SDCCAG8: variants seen among roughly 807,000 people sequenced by gnomAD.
SDCCAG8 encodes the protein SHH signaling and ciliogenesis regulator SDCCAG8.
SDCCAG8 carries 74 observed loss-of-function variants against 101.8 expected under a neutral mutation model. That is an observed-to-expected ratio of 0.73 (90% confidence interval 0.60 to 0.88). The LOEUF is 0.88. SDCCAG8 is among the 40% of genes least tolerant of loss of function. The pLI is 0.00. For missense variants in SDCCAG8, 787 were observed against 822.6 expected (o/e 0.96, Z 0.53); for synonymous variants, 281 against 292.9 (o/e 0.96, Z 0.41).
intron 16 of SDCCAG8, among the ~76,000 whole-genome samples, chr1:243,428,770 A>G (rs888754746): frequency 6.6e-6 from 1 of 152,246 alleles, no homozygotes; most frequent in Non-Finnish European, 1.5e-5. Flanking sequence ...GTGAAGGTGC[A>G]GTATTAGATC....
intron 8 of SDCCAG8, among the ~76,000 whole-genome samples, chr1:243,315,811 G>T (rs1270863486): frequency 1.3e-5 from 2 of 152,122 alleles, no homozygotes; most frequent in African/African-American, 4.8e-5. Context: ...TATTTCAAAT[G>T]AATTTGAAAC....
At chr1:243,475,813 G>C (rs192825587) in intron 16 of SDCCAG8, 1 of 329,912 alleles carries the variant, frequency 3.0e-6, no homozygotes, top group African/African-American at 2.2e-5. Context: ...TGCTACTTTT[G>C]AAAAATAGAG....
chr1:243,411,038 T>C (rs989750963), intron 13 of SDCCAG8, among the ~76,000 whole-genome samples: 4 of 152,242 alleles, frequency 2.6e-5, no homozygotes, highest in Non-Finnish European at 5.9e-5. Context: ...TTACAGGTGA[T>C]GTGAATAACT....
At chr1:243,495,046 A>G (rs952895322) in intron 17 of SDCCAG8, among the ~76,000 whole-genome samples, 5 of 152,250 alleles carry the variant, frequency 3.3e-5, no homozygotes, top group Admixed American at 2.6e-4. Context: ...TGGTTCATAT[A>G]AAACACAGAC....
chr1:243,420,645 C>T (rs1330615971), intron 15 of SDCCAG8, among the ~76,000 whole-genome samples: 1 of 152,190 alleles, frequency 6.6e-6, no homozygotes, highest in Non-Finnish European at 1.5e-5. Flanking sequence ...TAAATTGTTA[C>T]TTACTATTTT....
intron 15 of SDCCAG8, among the ~76,000 whole-genome samples, chr1:243,424,341 A>G (rs1351175859): frequency 1.3e-5 from 2 of 152,000 alleles, no homozygotes; most frequent in Non-Finnish European, 2.9e-5. Context: ...TTGTTTTATT[A>G]TGATTTTTTT....
intron 12 of SDCCAG8, among the ~76,000 whole-genome samples, chr1:243,355,252 A>T (rs557309871): frequency 8.5e-5 from 13 of 152,242 alleles, no homozygotes; most frequent in African/African-American, 2.9e-4. Context: ...GGAGTTTCCT[A>T]TAGGAATGGA....
intron 1 of SDCCAG8, among the ~76,000 whole-genome samples, chr1:243,259,161 G>A (rs1306904455): frequency 6.6e-6 from 1 of 152,126 alleles, no homozygotes; most frequent in Non-Finnish European, 1.5e-5. Context: ...AGCACTTTGG[G>A]AGGCTGGGGC....
chr1:243,256,469 TCTTAA>T (rs1558188039), intron 1 of SDCCAG8, among the ~76,000 whole-genome samples: 1 of 152,362 alleles, frequency 6.6e-6, no homozygotes, highest in East Asian at 1.9e-4. Flanking sequence ...AACTCCTTGA[TCTTAA>T]CTTGGCATCT....
At chr1:243,332,505 G>C (rs1261348760) in intron 10 of SDCCAG8, among the ~76,000 whole-genome samples, 1 of 151,912 alleles carries the variant, frequency 6.6e-6, no homozygotes, top group East Asian at 1.9e-4. Flanking sequence ...TCATAATCCA[G>C]CTCTGGAGGT....
chr1:243,438,473 T>C (rs1013040126), intron 16 of SDCCAG8, among the ~76,000 whole-genome samples: 2 of 152,154 alleles, frequency 1.3e-5, no homozygotes, highest in African/African-American at 4.8e-5. Flanking sequence ...AAATATGATT[T>C]TGAAGATTAT....
Position 243,458,063 on chromosome 1 carries a change from G to A in SDCCAG8, c.1986-30951G>A, listed in dbSNP as rs576598431. On this transcript the variant is annotated intron_variant, in intron 16 of 17. Coordinates refer to ENST00000366541, the MANE Select transcript of SDCCAG8 (RefSeq NM_006642.5). The surrounding 1 kb of genome is among the most constrained non-coding windows in gnomAD (Gnocchi z 4.5). Reference sequence around the variant, plus strand: ...CCTTCAGGACCCATCCCAAAATGACGAAGACACAAGATACAGTTCTGTCCT... The same window carrying A: ...CCTTCAGGACCCATCCCAAAATGACAAAGACACAAGATACAGTTCTGTCCT... Among the ~76,000 whole-genome samples the A allele has an allele frequency of 7.2e-5, 11 of 152,190 alleles. No individual in the cohort carries two copies. The highest frequency in any genetic ancestry group is 5.2e-4 in the Admixed American group (8 of 15,286).
intron 12 of SDCCAG8, among the ~76,000 whole-genome samples, chr1:243,346,912 G>T (rs570265118): frequency 6.6e-6 from 1 of 152,108 alleles, no homozygotes; most frequent in South Asian, 2.1e-4. Context: ...ATGTATGAGG[G>T]TATAGGGAAT....
intron 4 of SDCCAG8, among the ~76,000 whole-genome samples, chr1:243,280,744 T>C (rs2068960504): frequency 6.6e-6 from 1 of 152,240 alleles, no homozygotes; most frequent in Admixed American, 6.5e-5. Context: ...GCTATCGTTC[T>C]GTTATTGATT....
intron 16 of SDCCAG8, among the ~76,000 whole-genome samples, chr1:243,483,918 T>A (rs1664276992): frequency 6.6e-6 from 1 of 152,176 alleles, no homozygotes; most frequent in Non-Finnish European, 1.5e-5. Context: ...GCTGCATTTT[T>A]AACAAACTCC....
chr1:243,289,006 CAAA>C (rs1169573983), intron 5 of SDCCAG8, among the ~76,000 whole-genome samples: 5 of 83,684 alleles, frequency 6.0e-5, no homozygotes, highest in Admixed American at 1.3e-4. Flanking sequence ...GACTCCATCT[CAAA>C]AAAAAAAAAA....
chr1:243,390,361 C>T (rs1380991163), intron 13 of SDCCAG8, among the ~76,000 whole-genome samples: 1 of 152,146 alleles, frequency 6.6e-6, no homozygotes, highest in Non-Finnish European at 1.5e-5. Context: ...TTTCCTTCCC[C>T]CACCCAGTAT....
intron 12 of SDCCAG8, among the ~76,000 whole-genome samples, chr1:243,378,202 A>G (rs1266806193): frequency 6.6e-6 from 1 of 151,618 alleles, no homozygotes; most frequent in African/African-American, 2.4e-5. Context: ...TATTTTTTCC[A>G]AGTAATATTG....
At chr1:243,266,269 CCTGT>C (rs1283318910) in intron 1 of SDCCAG8, among the ~76,000 whole-genome samples, 2 of 151,892 alleles carry the variant, frequency 1.3e-5, no homozygotes, top group African/African-American at 2.4e-5. Flanking sequence ...ACATATTCTT[CCTGT>C]CTGAGATTTT....
Sources: gnomAD v4.1 joint callset for allele counts (sites outside exome capture counted in the v4.1 genomes callset) on GRCh38, gnomAD v4.1.1 for gene constraint, Gnocchi (gnomAD v3.1) non-coding constraint, MANE v1.5 for transcripts, NCBI Gene and HGNC (gene_info 2026-07-23, HGNC 2026-07-21) for gene names.